MRGPRF: variants seen among roughly 807,000 people sequenced by gnomAD.
MRGPRF encodes mas-related G protein-coupled receptor member F.
In MRGPRF, 2 loss-of-function variants were observed where a neutral mutation model predicts 3.3. That is an observed-to-expected ratio of 0.61 (90% CI 0.25 to 1.92). MRGPRF has a LOEUF of 1.92. Among genes scored for constraint, MRGPRF ranks in the 40% most tolerant of loss-of-function variants. The pLI is 0.16. For missense variants in MRGPRF, 500 were observed against 476.0 expected, an observed-to-expected ratio of 1.05 and a Z score of -0.47; for synonymous variants, 242 against 222.7, an observed-to-expected ratio of 1.09 and a Z score of -0.77.
chr11:69,011,116 G>T (rs372303270), intron 1 of MRGPRF, among the ~76,000 whole-genome samples: 3 of 152,040 alleles, frequency 2.0e-5, no homozygotes, highest in Non-Finnish European at 4.4e-5. Context: ...GCGCGGGTCC[G>T]CCCGGCCTCA....
At chr11:69,009,690 G>A in intron 2 of MRGPRF, 164 bp downstream of exon 2, 2 of 806,410 alleles carry the variant, frequency 2.5e-6, no homozygotes, top group Non-Finnish European at 4.2e-6. Context: ...CAGGGAACTT[G>A]TGCCCGGCCA....
chr11:69,004,785 G>A lies in MRGPRF; in HGVS notation c.*493C>T, dbSNP rs1860435183. 6.5e-6 allele frequency: 1 copy of A among 154,320 alleles called. No individual in the cohort carries two copies. The highest frequency in any genetic ancestry group is 6.5e-5 in the Admixed American group (1 of 15,350). The allele number at this position is 154,320 out of a possible 1,614,324, so 9.6% of individuals were successfully genotyped here. ...GCAGAAAGACTTAGCTACAAGGCAT[G>A]TGAACCAGAACTTTCTTCCAGACAC... On this transcript the variant is annotated 3_prime_UTR_variant, in exon 3 of 3. Transcript: ENST00000309099.
intron 1 of MRGPRF, among the ~76,000 whole-genome samples, chr11:69,011,835 C>T (rs780580154): frequency 1.7e-4 from 26 of 152,236 alleles, no homozygotes; most frequent in Admixed American, 3.9e-4. Context: ...AGACCCCAGC[C>T]ACACCAACTA....
At chr11:69,011,826 G>C (rs954761503) in intron 1 of MRGPRF, among the ~76,000 whole-genome samples, 2 of 152,168 alleles carry the variant, frequency 1.3e-5, no homozygotes, top group Non-Finnish European at 2.9e-5. Flanking sequence ...GGCCAGGCTA[G>C]ACCCCAGCCA....
Position 69,005,224 on chromosome 11 carries a change from G to A in MRGPRF, c.*54C>T, listed in dbSNP as rs2154012373. 6.9e-7 allele frequency: 1 copy of A among 1,440,806 alleles called. No individual in the cohort carries two copies. Among genetic ancestry groups the A allele is most frequent in the East Asian group, 2.5e-5 (1 of 40,182 alleles). 89.3% of individuals were successfully genotyped at this position (1,440,806 alleles called of 1,614,324 possible). ...AGCAGGTGCCCATTCCTGTCCCAAG[G>A]CGAAGGGTCTTGGAGGCCGCTTCCT... On this transcript the variant is annotated 3_prime_UTR_variant, in exon 3 of 3. Transcript: ENST00000309099.
Position 69,005,971 on chromosome 11 carries a change from G to T in MRGPRF, c.339C>A (p.Asp113Glu), listed in dbSNP as rs765990273. The T allele has an allele frequency of 6.4e-7, 1 of 1,565,386 alleles. No homozygotes were observed. The highest frequency in any genetic ancestry group is 8.7e-7 in the Non-Finnish European group (1 of 1,155,038). ...GGACCCGGCACACGCTGCGGATGTA[G>T]TCGGCAAACGTGCCCAGGAAGCCCC... ...NTGGFLGTFA[D>E]YIRSVCRVLG... Residue 113 changes from aspartate (D) to glutamate (E), a missense_variant, in exon 3 of 3, where the codon GAC becomes GAA. Transcript: ENST00000309099.
Position 69,005,385 on chromosome 11 carries a change from C to A in MRGPRF, c.925G>T (p.Val309Phe). The A allele has an allele frequency of 6.3e-7, 1 of 1,575,262 alleles. No homozygotes were observed. Among genetic ancestry groups the A allele is most frequent in the Non-Finnish European group, 8.6e-7 (1 of 1,160,980 alleles). The change falls in exon 3 of 3, where the codon GTC becomes TTC. Residue 309 changes from valine (V) to phenylalanine (F), a missense_variant. By Grantham distance (50) the Val-to-Phe change is conservative (BLOSUM62 -1). Coordinates refer to ENST00000309099, the MANE Select transcript of MRGPRF (RefSeq NM_145015.5). ...SQRLWEPLRV[V>F]FQRALRDGAE... Reference sequence around the variant, plus strand: ...CCGTCCCGCAGGGCCCGCTGGAAGACCACCCTGAGCGGCTCCCACAGCCGC... The same window carrying A: ...CCGTCCCGCAGGGCCCGCTGGAAGAACACCCTGAGCGGCTCCCACAGCCGC...
intron 2 of MRGPRF, among the ~76,000 whole-genome samples, chr11:69,007,166 A>G (rs1860507653): frequency 1.3e-5 from 2 of 152,224 alleles, no homozygotes; most frequent in Non-Finnish European, 2.9e-5. Context: ...CTTAGAAGAT[A>G]CAGGCTATTT....
rs1358106948 is a variant in MRGPRF at position 69,005,603 on chromosome 11, T to C, written c.707A>G (p.Lys236Arg). The change falls in exon 3 of 3, where the codon AAG (lysine) becomes AGG (arginine). Residue 236 changes from lysine to arginine, a missense_variant. Coordinates refer to ENST00000309099, the MANE Select transcript of MRGPRF (RefSeq NM_145015.5). Reference sequence around the variant, plus strand: ...CATGGCCAGGATGACGTGGTTGAGCTTGGCAGAGCGCTGGCGCCGTCGGGC... The same window carrying C: ...CATGGCCAGGATGACGTGGTTGAGCCTGGCAGAGCGCTGGCGCCGTCGGGC... ...CRARRRQRSA[K>R]LNHVILAMVS... 5 of 1,573,180 alleles carry C rather than the reference T, an allele frequency of 3.2e-6. No homozygotes were observed. The Admixed American group carries it at 9.3e-5, about 29-fold the overall frequency.
In MRGPRF at chr11:69,009,835, C is replaced by T. The variant is rs536459134; in HGVS notation, c.48+19G>A. 9.0e-5 allele frequency: 145 copies of T among 1,608,762 alleles called. 1 individual carries two copies. The South Asian group carries it at 1.5e-3, about 17-fold the overall frequency. On this transcript the variant is annotated intron_variant, in intron 2 of 2. Coordinates refer to ENST00000309099, the MANE Select transcript of MRGPRF (RefSeq NM_145015.5). ...CACCCGTCTGGGCAAGACCAGGGCC[C>T]TCCGCCTGTGGCACTTACCTTGTTC...
chr11:69,011,437 T>G (rs1590682829), intron 1 of MRGPRF, among the ~76,000 whole-genome samples: 2 of 152,312 alleles, frequency 1.3e-5, no homozygotes, highest in African/African-American at 4.8e-5. Flanking sequence ...GTCTTCGGGG[T>G]GTCCCAGGGT....
chr11:69,005,089 C>G lies in MRGPRF; in HGVS notation c.*189G>C, dbSNP rs935325312. ...GGGAGCCGGGCAGGGGCCACAGGGTCTGTTTGCTGGTGGCTGCCCAGTCTC... is the reference window on the plus strand; with the variant it reads ...GGGAGCCGGGCAGGGGCCACAGGGTGTGTTTGCTGGTGGCTGCCCAGTCTC... On this transcript the variant is annotated 3_prime_UTR_variant, in exon 3 of 3. Coordinates refer to ENST00000309099, the MANE Select transcript of MRGPRF (RefSeq NM_145015.5). 1 of 668,022 alleles carries G rather than the reference C, an allele frequency of 1.5e-6. No individual in the cohort carries two copies. The highest frequency in any genetic ancestry group is 1.8e-5 in the African/African-American group (1 of 54,610). 41.4% of individuals were successfully genotyped at this position (668,022 alleles called of 1,614,324 possible).
chr11:69,011,193 C>T (rs1382334157), intron 1 of MRGPRF, among the ~76,000 whole-genome samples: 2 of 152,160 alleles, frequency 1.3e-5, no homozygotes, highest in African/African-American at 4.8e-5. Context: ...TCCTGGCCTC[C>T]GCGCCCACCA....
chr11:69,010,693 G>C (rs747931273), intron 1 of MRGPRF, among the ~76,000 whole-genome samples: 2 of 152,144 alleles, frequency 1.3e-5, no homozygotes, highest in Non-Finnish European at 2.9e-5. Context: ...TTTGTGTTTC[G>C]AGCAGCTGCC....
chr11:69,010,834 C>G (rs1860580199), intron 1 of MRGPRF, among the ~76,000 whole-genome samples: 1 of 152,140 alleles, frequency 6.6e-6, no homozygotes, highest in South Asian at 2.1e-4. Flanking sequence ...ATGGGTCTGC[C>G]TGCCTTGGGT....
chr11:69,005,990 A>C lies in MRGPRF; in HGVS notation c.320T>G (p.Phe107Cys). Residue 107 changes from phenylalanine (F) to cysteine (C), a missense_variant, in exon 3 of 3, where the codon TTC (phenylalanine) becomes TGC (cysteine). Phe to Cys is a radical substitution (Grantham distance 205). Coordinates refer to ENST00000309099, the MANE Select transcript of MRGPRF (RefSeq NM_145015.5). ...AVFSILNTGG[F>C]LGTFADYIRS... ...GATGTAGTCGGCAAACGTGCCCAGG[A>C]AGCCCCCCGTGTTCAGGATGGAGAA... 1 of 1,565,748 alleles carries C rather than the reference A, an allele frequency of 6.4e-7. No individual in the cohort carries two copies. The highest frequency in any genetic ancestry group is 2.4e-5 in the East Asian group (1 of 42,288).
At chr11:69,011,145 C>T (rs1860588003) in intron 1 of MRGPRF, among the ~76,000 whole-genome samples, 1 of 152,136 alleles carries the variant, frequency 6.6e-6, no homozygotes, top group South Asian at 2.1e-4. Flanking sequence ...CGTGCCCCCG[C>T]CCGCCGCGCA....
chr11:69,007,552 T>C (rs1860514609), intron 2 of MRGPRF, among the ~76,000 whole-genome samples: 1 of 152,232 alleles, frequency 6.6e-6, no homozygotes, highest in Non-Finnish European at 1.5e-5. Flanking sequence ...AGCCTATCTG[T>C]CAAGAGATAG....
chr11:69,009,611 A>C (rs1237286615), intron 2 of MRGPRF: 14 of 620,970 alleles, frequency 2.3e-5, no homozygotes, highest in Admixed American at 2.6e-5. Flanking sequence ...CAGTGTCAGC[A>C]CAGCGAGGGA....
Sources: allele counts gnomAD v4.1 joint callset (sites outside exome capture counted in the v4.1 genomes callset), GRCh38; gene constraint gnomAD v4.1.1; transcripts MANE v1.5; gene names NCBI Gene and HGNC (gene_info 2026-07-23, HGNC 2026-07-21).